TMEM74: variants seen among roughly 807,000 people sequenced by gnomAD.
TMEM74 encodes transmembrane protein 74.
In TMEM74, 13 loss-of-function variants were observed where a neutral mutation model predicts 18.1. That is an observed-to-expected ratio of 0.72 (90% CI 0.47 to 1.14). The LOEUF is 1.14. Among genes scored for constraint, TMEM74 ranks in the 50% most tolerant of loss-of-function variants. The pLI is 0.00. For synonymous variants in TMEM74, 159 were observed against 146.6 expected (o/e 1.08, Z -0.61); for missense variants, 372 against 375.9 (o/e 0.99, Z 0.09).
rs377053356 is a variant in TMEM74, at chr8:108,715,432, G to GA, written n.120-59996dup. Among the ~76,000 whole-genome samples, 951 of 149,616 alleles carry GA rather than the reference G, an allele frequency of 6.4e-3. 7 individuals are homozygous for GA. Among genetic ancestry groups the GA allele is most frequent in the African/African-American group, 0.02 (825 of 40,802 alleles). ...TGAGCCTAAAATAGAAGCGGAAAAA[G>GA]AAAAAAAAATGAGTTGCCTTTAAAC... On this transcript the variant is annotated intron_variant and non_coding_transcript_variant, in intron 1 of 3. Transcript: ENST00000518838.
intron 1 of TMEM74, among the ~76,000 whole-genome samples, chr8:108,724,059 G>A (rs1813610931): frequency 6.6e-6 from 1 of 152,088 alleles, no homozygotes; most frequent in African/African-American, 2.4e-5. Flanking sequence ...CACACACCCT[G>A]TACTTTCGAG....
At chr8:108,638,558 T>C (rs1486683821) in intron 2 of TMEM74, among the ~76,000 whole-genome samples, 1 of 143,306 alleles carries the variant, frequency 7.0e-6, no homozygotes, top group East Asian at 2.1e-4. Context: ...CCAAAGTCTC[T>C]AGCATTAAAA....
intron 2 of TMEM74, among the ~76,000 whole-genome samples, chr8:108,640,565 A>G (rs1026587578): frequency 8.5e-5 from 13 of 152,058 alleles, no homozygotes; most frequent in African/African-American, 3.1e-4. Flanking sequence ...CTTTTTCTCA[A>G]AATTGATCTG....
intron 1 of TMEM74, among the ~76,000 whole-genome samples, chr8:108,719,895 G>C (rs1036041061): frequency 6.6e-6 from 1 of 151,924 alleles, no homozygotes; most frequent in Non-Finnish European, 1.5e-5. Flanking sequence ...ACACTGTTTC[G>C]ATTTGTTGGA....
intron 2 of TMEM74, among the ~76,000 whole-genome samples, chr8:108,646,730 A>T (rs74869431): frequency 0.011 from 1,623 of 152,262 alleles, 14 homozygotes; most frequent in Middle Eastern, 0.034. Context: ...AGATATTTAA[A>T]CATTAGCTAA....
intron 2 of TMEM74, among the ~76,000 whole-genome samples, chr8:108,632,222 A>G (rs1403260999): frequency 2.0e-5 from 3 of 151,984 alleles, no homozygotes; most frequent in South Asian, 2.1e-4. Context: ...AAGATTAAGT[A>G]TAGGGGAAAG....
At chr8:108,670,888 A>C (rs1056107439) in intron 1 of TMEM74, among the ~76,000 whole-genome samples, 1 of 152,186 alleles carries the variant, frequency 6.6e-6, no homozygotes, top group Admixed American at 6.6e-5. Flanking sequence ...AAACTCCAAA[A>C]TCCCCATAAG....
At chr8:108,657,379 C>T (rs972895207) in intron 1 of TMEM74, among the ~76,000 whole-genome samples, 1 of 151,918 alleles carries the variant, frequency 6.6e-6, no homozygotes, top group Non-Finnish European at 1.5e-5. Context: ...TGATCCTCCT[C>T]TTCTGAAGCA....
chr8:108,637,346 T>C (rs1466790817), intron 2 of TMEM74, among the ~76,000 whole-genome samples: 1 of 152,082 alleles, frequency 6.6e-6, no homozygotes, highest in Admixed American at 6.6e-5. Context: ...GTAGGCAGAA[T>C]AATGGTACTC....
chr8:108,739,463 G>A (rs1165945446), intron 1 of TMEM74, among the ~76,000 whole-genome samples: 9 of 152,212 alleles, frequency 5.9e-5, no homozygotes, highest in African/African-American at 2.2e-4. Context: ...TCAGACCCTT[G>A]GGGTGTGTGG....
chr8:108,646,385 A>G (rs1452750660), intron 2 of TMEM74, among the ~76,000 whole-genome samples: 1 of 152,086 alleles, frequency 6.6e-6, no homozygotes, highest in Non-Finnish European at 1.5e-5. Flanking sequence ...AAATGAGTAT[A>G]ATAATAATAA....
At chr8:108,725,060 T>C (rs1813621710) in intron 1 of TMEM74, among the ~76,000 whole-genome samples, 1 of 152,186 alleles carries the variant, frequency 6.6e-6, no homozygotes, top group Admixed American at 6.5e-5. Context: ...CTTTCTTCTC[T>C]TAGTTCAAGA....
chr8:108,707,572 G>A (rs1813429249), intron 1 of TMEM74, among the ~76,000 whole-genome samples: 1 of 152,106 alleles, frequency 6.6e-6, no homozygotes, highest in African/African-American at 2.4e-5. Context: ...TGTTAAGAAT[G>A]CCAAAAATAC....
Position 108,784,397 on chromosome 8 carries a change from C to G in TMEM74, c.702G>C (p.Ala234=). ...LGAHLDRCVI[A]GLCLLTLGGV... ...CCCCCAGCGTGAGGAGGCAGAGCCC[C>G]GCAATCACACAGCGGTCCAGGTGAG... Residue 234 remains alanine, a synonymous_variant, in exon 2 of 2, where the codon GCG becomes GCC. Coordinates refer to ENST00000297459, the MANE Select transcript of TMEM74 (RefSeq NM_153015.3). The G allele has an allele frequency of 1.2e-6, 2 of 1,614,090 alleles. No individual in the cohort carries two copies. The highest frequency in any genetic ancestry group is 1.7e-6 in the Non-Finnish European group (2 of 1,180,032).
At position 108,782,888 on chromosome 8, in the gene TMEM74, G is replaced by A. The variant is rs1814325392; in HGVS notation, c.*1293C>T. ...GCATTTCCCATCCCTTTTCTGAACC[G>A]TCACCATAATGAGGCGGTCTGTCAC... is the stretch of plus-strand genomic sequence containing the variant. On this transcript the variant is annotated 3_prime_UTR_variant, in exon 2 of 2. Transcript: ENST00000297459. Among the ~76,000 whole-genome samples the A allele has an allele frequency of 6.6e-6, 1 of 152,128 alleles. No homozygotes were observed. Among genetic ancestry groups the A allele is most frequent in the Admixed American group, 6.5e-5 (1 of 15,274 alleles).
chr8:108,623,086 GA>G (rs1327924038), intron 2 of TMEM74, among the ~76,000 whole-genome samples: 8 of 151,796 alleles, frequency 5.3e-5, no homozygotes, highest in East Asian at 1.9e-4. Flanking sequence ...CCTTCACAGA[GA>G]AAAAAAACTA....
chr8:108,787,284 G>T (rs1018572044), intron 1 of TMEM74, among the ~76,000 whole-genome samples, 192 bp downstream of exon 1: 1 of 152,184 alleles, frequency 6.6e-6, no homozygotes, highest in East Asian at 1.9e-4. Flanking sequence ...GCCCCCAGCA[G>T]GCGCCGAGGA....
At chr8:108,694,900 A>C (rs1005763508) in intron 1 of TMEM74, among the ~76,000 whole-genome samples, 1 of 152,204 alleles carries the variant, frequency 6.6e-6, no homozygotes, top group Non-Finnish European at 1.5e-5. Context: ...TGGAAGCTGA[A>C]TTTGAGCTGG....
chr8:108,631,197 G>A (rs1335026038), intron 2 of TMEM74, among the ~76,000 whole-genome samples: 1 of 151,986 alleles, frequency 6.6e-6, no homozygotes, highest in Non-Finnish European at 1.5e-5. Flanking sequence ...TCCAGGACGT[G>A]AGGTACTTTG....
Sources: gnomAD v4.1 joint callset for allele counts (sites outside exome capture counted in the v4.1 genomes callset) on GRCh38, gnomAD v4.1.1 for gene constraint, MANE v1.5 for transcripts, NCBI Gene and HGNC (gene_info 2026-07-23, HGNC 2026-07-21) for gene names.